The following CELF4 variants were observed in gnomAD, a reference collection of about 807,000 sequenced individuals.
CELF4 encodes the protein CUG-BP- and ETR-3-like factor 4.
Under a neutral mutation model 59.9 loss-of-function variants are expected in CELF4, and 18 were observed. The ratio of observed to expected loss-of-function variants is 0.30; its 90% confidence interval spans 0.21 to 0.45. CELF4 has a LOEUF of 0.45. Ranked by LOEUF, CELF4 falls within the 20% of genes least tolerant of loss-of-function variation. The pLI, the probability that CELF4 is intolerant of heterozygous loss-of-function variation, is 1.00. For synonymous variants in CELF4, 261 were observed against 267.1 expected (o/e 0.98, Z 0.22); for missense variants, 456 against 689.0 (o/e 0.66, Z 3.79).
At chr18:37,381,741 C>T (rs901979682) in intron 2 of CELF4, among the ~76,000 whole-genome samples, 4 of 152,198 alleles carry the variant, frequency 2.6e-5, no homozygotes, top group African/African-American at 9.7e-5. Flanking sequence ...CACTGCTGCC[C>T]TCTGGGTCAA....
At chr18:37,275,547 G>T in intron 3 of CELF4, 1 of 401,758 alleles carries the variant, frequency 2.5e-6, no homozygotes, top group Non-Finnish European at 4.7e-6. Flanking sequence ...AGGGCAGGCT[G>T]CACCCTGAGG....
intron 1 of CELF4, among the ~76,000 whole-genome samples, chr18:37,491,758 C>T (rs1484650803): frequency 2.6e-5 from 4 of 152,118 alleles, no homozygotes; most frequent in African/African-American, 9.7e-5. Flanking sequence ...GTGGCGGATG[C>T]CCCTCTCCGA....
intron 2 of CELF4, among the ~76,000 whole-genome samples, chr18:37,332,045 C>G (rs1438452726): frequency 6.6e-6 from 1 of 152,148 alleles, no homozygotes; most frequent in African/African-American, 2.4e-5. Flanking sequence ...TCAGAGGTGA[C>G]TGGACAGAGG....
In CELF4 at chr18:37,330,634, G is replaced by A. The variant is rs533127779; in HGVS notation, c.370-8753C>T. ...ACCCTGAGGAGTTCCCGATGCCCAC[G>A]CAGGGCCCAGCATGGCCCCAATGCA... On this transcript the variant is annotated intron_variant, in intron 2 of 12. Coordinates refer to ENST00000420428, the MANE Select transcript of CELF4 (RefSeq NM_020180.4). 4.6e-5 allele frequency among the ~76,000 whole-genome samples: 7 copies of A among 152,278 alleles called. 1 individual carries two copies. The highest frequency in any genetic ancestry group is 1.0e-4 in the Non-Finnish European group (7 of 68,030).
At chr18:37,384,562 G>T (rs995497162) in intron 2 of CELF4, among the ~76,000 whole-genome samples, 2 of 152,054 alleles carry the variant, frequency 1.3e-5, no homozygotes, top group African/African-American at 4.8e-5. Flanking sequence ...CACAGGCCTG[G>T]GACACTGGCC....
chr18:37,497,651 C>CAAAAAAA (rs58015103), intron 1 of CELF4, among the ~76,000 whole-genome samples: 1 of 118,300 alleles, frequency 8.5e-6, no homozygotes, highest in Non-Finnish European at 1.8e-5. Flanking sequence ...GACTCTGTCT[C>CAAAAAAA]AAAAAAAAAA....
intron 2 of CELF4, among the ~76,000 whole-genome samples, chr18:37,343,888 A>C (rs1367261203): frequency 2.0e-5 from 3 of 151,872 alleles, no homozygotes; most frequent in Non-Finnish European, 2.9e-5. Flanking sequence ...ACTCTCTGGT[A>C]CCCCTCACCA....
intron 2 of CELF4, among the ~76,000 whole-genome samples, chr18:37,457,221 G>A (rs2099780829): frequency 6.6e-6 from 1 of 152,212 alleles, no homozygotes; most frequent in Non-Finnish European, 1.5e-5. Flanking sequence ...TCCAGAGCCT[G>A]ACTGGAGCTG....
chr18:37,435,013 G>T (rs1442572796), intron 2 of CELF4, among the ~76,000 whole-genome samples: 1 of 152,082 alleles, frequency 6.6e-6, no homozygotes, highest in African/African-American at 2.4e-5. Context: ...AGGAGGGGGG[G>T]ATCCAGGGGA....
At position 37,289,863 on chromosome 18, in the gene CELF4, C is replaced by T. The variant is rs888581487; in HGVS notation, c.449-14620G>A. On this transcript the variant is annotated intron_variant, in intron 3 of 12. Transcript: ENST00000420428. ...GGAGTATTACACAGCCCTGGAGTTT[C>T]ATCTTTTGGGTTCTAAGCCTGCAGA... is the stretch of plus-strand genomic sequence containing the variant. Among the ~76,000 whole-genome samples, 2 of 152,288 alleles carry T rather than the reference C, an allele frequency of 1.3e-5. 1 individual carries two copies. Among genetic ancestry groups the T allele is most frequent in the South Asian group, 4.2e-4 (2 of 4,816 alleles).
intron 2 of CELF4, 97 bp downstream of exon 2, chr18:37,485,428 T>A: frequency 2.1e-5 from 12 of 572,438 alleles, no homozygotes; most frequent in Non-Finnish European, 2.3e-5. Context: ...GCGGGCGCCC[T>A]GCCGTCCTCT....
At chr18:37,545,334 T>A (rs1202029438) in intron 1 of CELF4, among the ~76,000 whole-genome samples, 7 of 152,140 alleles carry the variant, frequency 4.6e-5, no homozygotes, top group Non-Finnish European at 8.8e-5. Flanking sequence ...TCCTGCTGCC[T>A]AGTAGCAAAA....
At chr18:37,510,283 G>A (rs531281718) in intron 1 of CELF4, among the ~76,000 whole-genome samples, 37 of 152,346 alleles carry the variant, frequency 2.4e-4, no homozygotes, top group Admixed American at 2.2e-3. Flanking sequence ...CAGTTCCTCA[G>A]TGCATGCCAG....
intron 2 of CELF4, among the ~76,000 whole-genome samples, chr18:37,470,879 T>TGAGAGAGAGAGA (rs1569569553): frequency 1.4e-4 from 12 of 85,090 alleles, no homozygotes; most frequent in Non-Finnish European, 2.7e-4. Flanking sequence ...TGTGTGTGTG[T>TGAGAGAGAGAGA]GTGTGTGTGA....
intron 2 of CELF4, among the ~76,000 whole-genome samples, chr18:37,430,507 G>A (rs973090005): frequency 6.6e-6 from 1 of 152,198 alleles, no homozygotes; most frequent in Non-Finnish European, 1.5e-5. Context: ...ATGGTGTGTA[G>A]CGCAGTAACA....
chr18:37,342,638 G>A (rs1244276484), intron 2 of CELF4, among the ~76,000 whole-genome samples: 1 of 152,178 alleles, frequency 6.6e-6, no homozygotes, highest in South Asian at 2.1e-4. Flanking sequence ...AAGCAGAGTG[G>A]GGGAGCCTGG....
At chr18:37,519,632 G>A (rs1018496329) in intron 1 of CELF4, among the ~76,000 whole-genome samples, 2 of 152,208 alleles carry the variant, frequency 1.3e-5, no homozygotes, top group African/African-American at 2.4e-5. Flanking sequence ...TGTGGGCAGC[G>A]AGGAGTATGT....
Position 37,274,352 on chromosome 18 carries a change from T to C in CELF4, c.760A>G (p.Met254Val), listed in dbSNP as rs1388187926. The change falls in exon 6 of 13, where the codon ATG becomes GTG. Residue 254 changes from methionine to valine, a missense_variant. By Grantham distance (21) the Met-to-Val change is conservative (BLOSUM62 1). Transcript: ENST00000420428. ...MAGQMGMFNP[M>V]AIPFGAYGAY... ...CCGTAGGCCCCGAAAGGGATGGCCA[T>C]GGGGTTGAACATGCCCATCTGGCCA... 2 of 1,613,320 alleles carry C rather than the reference T, an allele frequency of 1.2e-6. No homozygotes were observed. The highest frequency in any genetic ancestry group is 1.3e-5 in the African/African-American group (1 of 74,894).
intron 2 of CELF4, among the ~76,000 whole-genome samples, chr18:37,401,216 C>A (rs190643315): frequency 6.6e-6 from 1 of 152,190 alleles, no homozygotes; most frequent in Non-Finnish European, 1.5e-5. Context: ...AAGAAAGCGA[C>A]GGACATGGAG....
Sources: allele counts gnomAD v4.1 joint callset (sites outside exome capture counted in the v4.1 genomes callset), GRCh38; gene constraint gnomAD v4.1.1; transcripts MANE v1.5; gene names NCBI Gene and HGNC (gene_info 2026-07-23, HGNC 2026-07-21).